Variants in CNTNAP2 observed in about 807,000 individuals in gnomAD.
CNTNAP2 encodes contactin-associated protein-like 2.
A neutral mutation model predicts 155.2 loss-of-function variants in CNTNAP2; 98 were observed. The ratio of observed to expected loss-of-function variants is 0.63; its 90% CI spans 0.54 to 0.75. The LOEUF (loss-of-function observed/expected upper bound fraction) is 0.75, where lower values mean the gene tolerates loss of function less well. CNTNAP2 is among the 30% of genes least tolerant of loss of function. The pLI, the probability that CNTNAP2 is intolerant of heterozygous loss-of-function variation, is 0.00. For synonymous variants in CNTNAP2, 651 were observed against 631.2 expected (o/e 1.03, Z -0.47); for missense variants, 1,727 against 1,688.1 (o/e 1.02, Z -0.40).
chr7:146,807,132 A>G (rs1406196967), intron 2 of CNTNAP2, among the ~76,000 whole-genome samples: 1 of 152,210 alleles, frequency 6.6e-6, no homozygotes, highest in Non-Finnish European at 1.5e-5. Context: ...CACATTTATT[A>G]TAAAACATTC....
intron 1 of CNTNAP2, among the ~76,000 whole-genome samples, chr7:146,578,360 A>G (rs1299256019): frequency 6.6e-6 from 1 of 152,124 alleles, no homozygotes; most frequent in Non-Finnish European, 1.5e-5. Context: ...ATTTCTTATT[A>G]TACAATGTCT....
rs1456226925 is a variant in CNTNAP2 at position 146,351,086 on chromosome 7, G to A, written c.97+234113G>A. Among the ~76,000 whole-genome samples, 6 of 150,926 alleles carry A rather than the reference G, an allele frequency of 4.0e-5. No individual in the cohort carries two copies. The East Asian group carries it at 9.8e-4, about 25-fold the overall frequency. Reference sequence around the variant, plus strand: ...GGAGATACACCTAATGCTAAATGATGAGTTAATGGGTGCAGCACACCAGCA... The same window carrying A: ...GGAGATACACCTAATGCTAAATGATAAGTTAATGGGTGCAGCACACCAGCA... On this transcript the variant is annotated intron_variant, in intron 1 of 23. Coordinates refer to ENST00000361727, the MANE Select transcript of CNTNAP2 (RefSeq NM_014141.6).
chr7:148,391,940 T>TGATACAGAATA (rs1343658292), intron 22 of CNTNAP2, among the ~76,000 whole-genome samples: 1 of 152,190 alleles, frequency 6.6e-6, no homozygotes, highest in Non-Finnish European at 1.5e-5. Flanking sequence ...TCGTGATATT[T>TGATACAGAATA]GATACAGAAT....
rs532820418 is a variant in CNTNAP2 at position 146,760,409 on chromosome 7, C to CTTTTTTTTTTTTTTTTTTTTTTTTTTTT, written c.98-13856_98-13829dup. ...CACCTCTGTATCATCTCCAATTTAC[C>CTTTTTTTTTTTTTTTTTTTTTTTTTTTT]TTTTTTTTTTTTTTTTTTTTTTTTT... On this transcript the variant is annotated intron_variant, in intron 1 of 23. Coordinates refer to ENST00000361727, the MANE Select transcript of CNTNAP2 (RefSeq NM_014141.6). Among the ~76,000 whole-genome samples, 8 of 56,298 alleles carry CTTTTTTTTTTTTTTTTTTTTTTTTTTTT rather than the reference C, an allele frequency of 1.4e-4. 1 individual carries two copies. The highest frequency in any genetic ancestry group is 3.4e-4 in the African/African-American group (4 of 11,804). The allele number at this position is 56,298 out of a possible 152,430, so 36.9% of individuals were successfully genotyped here.
At chr7:148,136,319 T>G (rs567154505) in intron 16 of CNTNAP2, among the ~76,000 whole-genome samples, 48 of 152,086 alleles carry the variant, frequency 3.2e-4, no homozygotes, top group Non-Finnish European at 6.2e-4. Context: ...TGGGGGCGGA[T>G]CCTTCATGAA....
chr7:147,992,787 C>T (rs898546067), intron 15 of CNTNAP2, among the ~76,000 whole-genome samples: 1 of 152,190 alleles, frequency 6.6e-6, no homozygotes, highest in African/African-American at 2.4e-5. Flanking sequence ...AGATTCTAGC[C>T]ATACCTCCTT....
At position 148,209,298 on chromosome 7, in the gene CNTNAP2, C is replaced by CTT. The variant is rs11371612; in HGVS notation, c.3011-7973_3011-7972dup. Reference sequence around the variant, plus strand: ...CACCGGCTATTTTTTTCTTTTCTTCCTTTTTTTTTTTTTTTTTTAGCGACA... The same window carrying CTT: ...CACCGGCTATTTTTTTCTTTTCTTCCTTTTTTTTTTTTTTTTTTTTAGCGACA... On this transcript the variant is annotated intron_variant, in intron 18 of 23. Transcript: ENST00000361727. Among the ~76,000 whole-genome samples, 91 of 130,420 alleles carry CTT rather than the reference C, an allele frequency of 7.0e-4. 2 individuals carry two copies. Among genetic ancestry groups the CTT allele is most frequent in the South Asian group, 2.3e-3 (9 of 3,892 alleles). The allele number at this position is 130,420 out of a possible 152,430, so 85.6% of individuals were successfully genotyped here.
At chr7:147,050,676 C>G (rs1322769645) in intron 4 of CNTNAP2, among the ~76,000 whole-genome samples, 1 of 152,144 alleles carries the variant, frequency 6.6e-6, no homozygotes, top group Non-Finnish European at 1.5e-5. Flanking sequence ...CTCATTCTTC[C>G]CAGGCAAGAG....
chr7:146,193,212 A>T (rs1798731041), intron 1 of CNTNAP2, among the ~76,000 whole-genome samples: 1 of 152,138 alleles, frequency 6.6e-6, no homozygotes, highest in Non-Finnish European at 1.5e-5. Context: ...AGTGGTTCTA[A>T]CATTCTGGGG....
At chr7:147,114,411 A>T (rs1584852476) in intron 5 of CNTNAP2, among the ~76,000 whole-genome samples, 1 of 152,134 alleles carries the variant, frequency 6.6e-6, no homozygotes, top group Non-Finnish European at 1.5e-5. Flanking sequence ...TCAGTGGGGT[A>T]TTAAAGTCTC....
chr7:148,198,791 GA>G (rs1795320689), intron 18 of CNTNAP2, among the ~76,000 whole-genome samples: 1 of 152,248 alleles, frequency 6.6e-6, no homozygotes. Flanking sequence ...TCAACTGAGA[GA>G]AAACATATTT....
At chr7:146,130,052 TG>T (rs1320981597) in intron 1 of CNTNAP2, among the ~76,000 whole-genome samples, 2 of 152,210 alleles carry the variant, frequency 1.3e-5, no homozygotes, top group Non-Finnish European at 2.9e-5. Context: ...AGATATTTAG[TG>T]GTTTTGGAAT....
rs551286744 is a variant in CNTNAP2, at chr7:146,707,323, A to T, written c.98-66948A>T. On this transcript the variant is annotated intron_variant, in intron 1 of 23. Transcript: ENST00000361727. Reference sequence around the variant, plus strand: ...CAGATCCTCTTCATTTGTGATGGGCATGGGGCCTCACTCCATTGTCTTCAG... The same window carrying T: ...CAGATCCTCTTCATTTGTGATGGGCTTGGGGCCTCACTCCATTGTCTTCAG... Among the ~76,000 whole-genome samples the T allele has an allele frequency of 2.0e-5, 3 of 152,306 alleles. No homozygotes were observed. In the East Asian group the frequency reaches 5.8e-4, roughly 29 times the overall value.
At chr7:147,842,587 C>CTTTT (rs3055146) in intron 13 of CNTNAP2, among the ~76,000 whole-genome samples, 97 of 84,362 alleles carry the variant, frequency 1.1e-3, no homozygotes, top group East Asian at 2.0e-3. Context: ...TTTTACTTTT[C>CTTTT]TTTTTTTTTT....
chr7:146,422,094 A>G (rs1156375143), intron 1 of CNTNAP2, among the ~76,000 whole-genome samples: 1 of 151,334 alleles, frequency 6.6e-6, no homozygotes, highest in East Asian at 1.9e-4. Flanking sequence ...ATTTTTTAAA[A>G]TTAATTCTTA....
intron 13 of CNTNAP2, among the ~76,000 whole-genome samples, chr7:147,748,689 G>A (rs1446458034): frequency 6.6e-6 from 1 of 152,088 alleles, no homozygotes; most frequent in Non-Finnish European, 1.5e-5. Context: ...TGAACTCAGG[G>A]CTCCTGAACC....
chr7:146,942,063 C>T (rs1168518997), intron 3 of CNTNAP2, among the ~76,000 whole-genome samples: 1 of 151,970 alleles, frequency 6.6e-6, no homozygotes, highest in African/African-American at 2.4e-5. Flanking sequence ...TGTTTCTGCT[C>T]CTATTTCTTT....
At chr7:148,174,098 T>C (rs1794885687) in intron 18 of CNTNAP2, among the ~76,000 whole-genome samples, 1 of 152,218 alleles carries the variant, frequency 6.6e-6, no homozygotes, top group Non-Finnish European at 1.5e-5. Flanking sequence ...ACAAAAGACA[T>C]CTAAATATTT....
At chr7:147,474,584 A>G (rs75579666) in intron 10 of CNTNAP2, among the ~76,000 whole-genome samples, 1 of 149,018 alleles carries the variant, frequency 6.7e-6, no homozygotes, top group Non-Finnish European at 1.5e-5. Flanking sequence ...ATTTTGTCTG[A>G]AAAAAAAAAC....
Sources: allele counts gnomAD v4.1 joint callset (sites outside exome capture counted in the v4.1 genomes callset), GRCh38; gene constraint gnomAD v4.1.1; transcripts MANE v1.5; gene names NCBI Gene and HGNC (gene_info 2026-07-23, HGNC 2026-07-21).